Variants in ERC1 observed in about 807,000 individuals in gnomAD.
ERC1 encodes the protein ELKS/RAB6-interacting/CAST family member 1.
In ERC1, 56 loss-of-function variants were observed where a neutral mutation model predicts 132.0. That is an observed-to-expected ratio of 0.42 (90% confidence interval 0.34 to 0.53). ERC1 has a LOEUF of 0.53. ERC1 is among the 20% of genes least tolerant of loss of function. The pLI is 0.03. For synonymous variants in ERC1, 478 were observed against 476.1 expected, an observed-to-expected ratio of 1.00 and a Z score of -0.05; for missense variants, 1,202 against 1,349.9, an observed-to-expected ratio of 0.89 and a Z score of 1.72.
At chr12:1,053,736 A>C (rs1477529666) in intron 2 of ERC1, among the ~76,000 whole-genome samples, 2 of 152,216 alleles carry the variant, frequency 1.3e-5, no homozygotes, top group East Asian at 3.8e-4. Context: ...CTAAACTTTA[A>C]GAAAAGAGTC....
intron 12 of ERC1, among the ~76,000 whole-genome samples, chr12:1,198,066 G>C (rs1333621543): frequency 6.6e-6 from 1 of 151,848 alleles, no homozygotes; most frequent in African/African-American, 2.4e-5. Context: ...GCTGAGACTA[G>C]AGGTGCATGC....
chr12:1,425,382 G>A (rs2092603842), intron 17 of ERC1, among the ~76,000 whole-genome samples: 1 of 152,180 alleles, frequency 6.6e-6, no homozygotes, highest in Non-Finnish European at 1.5e-5. Flanking sequence ...CCACAGACTT[G>A]TAGAAGCTCT....
intron 14 of ERC1, among the ~76,000 whole-genome samples, chr12:1,289,322 G>A (rs1243725372): frequency 6.6e-6 from 1 of 151,398 alleles, no homozygotes; most frequent in Non-Finnish European, 1.5e-5. Context: ...TGGATTTAGA[G>A]CAAGAAATTG....
In ERC1 at chr12:1,365,776, A is replaced by G. The variant is rs2086607018; in HGVS notation, c.2781-6057A>G. Among the ~76,000 whole-genome samples, 4 of 152,234 alleles carry G rather than the reference A, an allele frequency of 2.6e-5. No homozygotes were observed. In the South Asian group the frequency reaches 8.3e-4, roughly 32 times the overall value. On this transcript the variant is annotated intron_variant, in intron 15 of 18. Coordinates refer to ENST00000360905, the MANE Select transcript of ERC1 (RefSeq NM_178040.4). Reference sequence around the variant, plus strand: ...GACTCTCGAAGGAAGACATTTTTTAAAATGTAAAAATAGCAGCATAATACC... The same window carrying G: ...GACTCTCGAAGGAAGACATTTTTTAGAATGTAAAAATAGCAGCATAATACC...
chr12:1,440,289 C>T (rs1209608350), intron 17 of ERC1, among the ~76,000 whole-genome samples: 2 of 146,648 alleles, frequency 1.4e-5, no homozygotes. Context: ...ACTGCAAGCT[C>T]CGCCTCCTGG....
At chr12:1,485,201 CTTT>C (rs71441650) in intron 18 of ERC1, among the ~76,000 whole-genome samples, 19 of 96,390 alleles carry the variant, frequency 2.0e-4, no homozygotes, top group Non-Finnish European at 3.0e-4. Context: ...GTTTATATTT[CTTT>C]TTTTTTTTTT....
chr12:1,415,333 C>T (rs1012294971), intron 17 of ERC1, among the ~76,000 whole-genome samples: 3 of 152,194 alleles, frequency 2.0e-5, no homozygotes, highest in African/African-American at 7.2e-5. Context: ...GAACATGCCA[C>T]TTACTACAAT....
chr12:1,037,872 G>A (rs149729958), intron 2 of ERC1, among the ~76,000 whole-genome samples: 2,739 of 151,860 alleles, frequency 0.018, 42 homozygotes, highest in Non-Finnish European at 0.03. Context: ...GTGAAACCCT[G>A]TCTCTACTAA....
intron 1 of ERC1, among the ~76,000 whole-genome samples, chr12:1,023,892 C>A (rs1041617363): frequency 1.2e-4 from 19 of 152,074 alleles, no homozygotes; most frequent in African/African-American, 4.6e-4. Context: ...CTGGAGAAGC[C>A]AGAGGGAATG....
In ERC1 at chr12:1,083,192, A is replaced by G; in HGVS notation, c.698A>G (p.Gln233Arg). ...ATGCAGATGACAATCCAGGCTCTCC[A>G]GGATGAATTGCGGATCCAGAGGGAC... ...QHMQMTIQAL[Q>R]DELRIQRDLN... The change falls in exon 3 of 19, where the codon CAG (glutamine) becomes CGG (arginine). Residue 233 changes from glutamine to arginine, a missense_variant. By Grantham distance (43) the Gln-to-Arg change is conservative (BLOSUM62 1). Coordinates refer to ENST00000360905, the MANE Select transcript of ERC1 (RefSeq NM_178040.4). The G allele has an allele frequency of 6.2e-7, 1 of 1,613,874 alleles. No individual in the cohort carries two copies. Among genetic ancestry groups the G allele is most frequent in the Non-Finnish European group, 8.5e-7 (1 of 1,179,910 alleles).
rs147990612 is a variant in ERC1, at chr12:1,230,062, A to G, written c.2352-6707A>G. On this transcript the variant is annotated intron_variant, in intron 12 of 18. Coordinates refer to ENST00000360905, the MANE Select transcript of ERC1 (RefSeq NM_178040.4). ...CACTGTGTCACCCAGGCTAGAGTGC[A>G]ATGGCACAATCTTGGCTCACTGCAA... is the stretch of plus-strand genomic sequence containing the variant. Among the ~76,000 whole-genome samples, 730 of 142,576 alleles carry G rather than the reference A, an allele frequency of 5.1e-3. 11 individuals carry two copies. The highest frequency in any genetic ancestry group is 0.018 in the African/African-American group (686 of 38,158). 93.5% of individuals were successfully genotyped at this position (142,576 alleles called of 152,430 possible).
At chr12:1,337,124 T>C in intron 15 of ERC1, among the ~76,000 whole-genome samples, 1 of 152,114 alleles carries the variant, frequency 6.6e-6, no homozygotes, top group East Asian at 1.9e-4. Context: ...CCTTAATCTT[T>C]GATCTAATAC....
At chr12:1,452,690 A>G (rs1012623708) in intron 18 of ERC1, among the ~76,000 whole-genome samples, 1 of 152,204 alleles carries the variant, frequency 6.6e-6, no homozygotes, top group Non-Finnish European at 1.5e-5. Flanking sequence ...ATATTGATCT[A>G]TACTTAAGTT....
rs760607235 is a variant in ERC1 at position 1,408,187 on chromosome 12, G to A, written c.2964G>A (p.Glu988=). The A allele has an allele frequency of 8.1e-6, 13 of 1,613,842 alleles. No individual in the cohort carries two copies. The highest frequency in any genetic ancestry group is 1.7e-5 in the Admixed American group (1 of 59,990). ...TGAAGCTAATGGCCGACAACTACGA[G>A]GATGACCACTTCAAATCCTCCCATT... ...NRMKLMADNY[E]DDHFKSSHSN... Residue 988 remains glutamate, a synonymous_variant, in exon 17 of 19, where the codon GAG becomes GAA. Transcript: ENST00000360905.
In ERC1 at chr12:1,119,546, TGTGTGTGTGTGTGTGTGTGTGTGA is replaced by T. The variant is rs879790773; in HGVS notation, c.1569+3515_1569+3538del. Among the ~76,000 whole-genome samples, 166 of 95,300 alleles carry T rather than the reference TGTGTGTGTGTGTGTGTGTGTGTGA, an allele frequency of 1.7e-3. 3 individuals are homozygous for T. The highest frequency in any genetic ancestry group is 5.4e-3 in the African/African-American group (128 of 23,744). 62.5% of individuals were successfully genotyped at this position (95,300 alleles called of 152,430 possible). On this transcript the variant is annotated intron_variant, in intron 7 of 18. Transcript: ENST00000360905. ...GTGTGTGTGTGTGTGTGTGTGTGTG[TGTGTGTGTGTGTGTGTGTGTGTGA>T]GATGGAGTTTTGCTCTTGTTGCCCA...
intron 16 of ERC1, among the ~76,000 whole-genome samples, chr12:1,406,221 G>A (rs12301390): frequency 0.11 from 15,989 of 152,164 alleles, 1,757 homozygotes; most frequent in African/African-American, 0.27. Context: ...TAGCTTGCCT[G>A]AAGTCAGCTG....
At chr12:1,367,906 C>T (rs571914634) in intron 15 of ERC1, among the ~76,000 whole-genome samples, 4 of 134,768 alleles carry the variant, frequency 3.0e-5, no homozygotes, top group East Asian at 2.3e-4. Context: ...GTCATGTGGG[C>T]GGGGGGATTA....
chr12:1,333,021 T>C (rs1193489690), intron 15 of ERC1, among the ~76,000 whole-genome samples: 2 of 94,228 alleles, frequency 2.1e-5, no homozygotes, highest in African/African-American at 1.0e-4. Context: ...TTATAATTCG[T>C]CCTGATCCTC....
chr12:1,433,449 C>A (rs532808725), intron 17 of ERC1, among the ~76,000 whole-genome samples: 1 of 152,142 alleles, frequency 6.6e-6, no homozygotes, highest in Non-Finnish European at 1.5e-5. Context: ...AGACAGAATG[C>A]GCTAATGAAG....
Sources: allele counts gnomAD v4.1 joint callset (sites outside exome capture counted in the v4.1 genomes callset), GRCh38; gene constraint gnomAD v4.1.1; transcripts MANE v1.5; gene names NCBI Gene and HGNC (gene_info 2026-07-23, HGNC 2026-07-21).